ROBO2: variants seen among roughly 807,000 people sequenced by gnomAD.
ROBO2 encodes roundabout homolog 2.
Under a neutral mutation model 160.8 loss-of-function variants are expected in ROBO2, and 53 were observed. The ratio of observed to expected loss-of-function variants is 0.33; its 90% CI spans 0.26 to 0.41. ROBO2 has a LOEUF of 0.41. ROBO2 is among the 10% of genes least tolerant of loss of function. The pLI is 1.00. For missense variants in ROBO2, 1,577 were observed against 1,722.4 expected, an observed-to-expected ratio of 0.92 and a Z score of 1.49; for synonymous variants, 664 against 611.7, an observed-to-expected ratio of 1.09 and a Z score of -1.26.
At chr3:76,917,532 T>C (rs2076399541) in intron 2 of ROBO2, among the ~76,000 whole-genome samples, 1 of 152,214 alleles carries the variant, frequency 6.6e-6, no homozygotes, top group Admixed American at 6.5e-5. Context: ...TTCCTTTTCC[T>C]GCTTCATGCA....
intron 2 of ROBO2, among the ~76,000 whole-genome samples, chr3:77,336,040 G>C (rs557192304): frequency 3.0e-4 from 45 of 152,188 alleles, no homozygotes; most frequent in Non-Finnish European, 5.3e-4. Context: ...GGACTATAAA[G>C]TTCCAGTAAC....
chr3:77,219,489 G>GTATA (rs10654899), intron 2 of ROBO2, among the ~76,000 whole-genome samples: 21,619 of 111,000 alleles, frequency 0.19, 2,145 homozygotes, highest in Middle Eastern at 0.25. Context: ...TATATAATCT[G>GTATA]TATATATATA....
intron 2 of ROBO2, among the ~76,000 whole-genome samples, chr3:77,375,148 G>C (rs1235406186): frequency 1.3e-5 from 2 of 152,220 alleles, no homozygotes; most frequent in East Asian, 3.9e-4. Flanking sequence ...GGAGTTCAAG[G>C]TTCCAGTGAG....
At chr3:76,919,551 T>A (rs1046893394) in intron 2 of ROBO2, among the ~76,000 whole-genome samples, 1 of 152,122 alleles carries the variant, frequency 6.6e-6, no homozygotes, top group Non-Finnish European at 1.5e-5. Context: ...TGAGACATTA[T>A]ACAAGGAAAC....
intron 2 of ROBO2, among the ~76,000 whole-genome samples, chr3:76,101,074 A>G (rs977672139): frequency 1.3e-5 from 2 of 152,166 alleles, no homozygotes; most frequent in Non-Finnish European, 2.9e-5. Context: ...CTTTGTATAA[A>G]AGAACCAAGA....
At chr3:76,257,407 TG>T (rs1413422456) in intron 2 of ROBO2, among the ~76,000 whole-genome samples, 1 of 152,140 alleles carries the variant, frequency 6.6e-6, no homozygotes, top group Non-Finnish European at 1.5e-5. Context: ...CCCTAAACTT[TG>T]TGCCAAGGAG....
At chr3:76,908,707 G>A (rs538267497) in intron 2 of ROBO2, among the ~76,000 whole-genome samples, 3 of 152,310 alleles carry the variant, frequency 2.0e-5, no homozygotes, top group Admixed American at 6.5e-5. Context: ...ACAAGTACAA[G>A]TGAAACCTAC....
At chr3:76,215,911 A>C (rs912965742) in intron 2 of ROBO2, among the ~76,000 whole-genome samples, 4 of 152,208 alleles carry the variant, frequency 2.6e-5, no homozygotes, top group African/African-American at 9.6e-5. Flanking sequence ...AGCCAGAGAG[A>C]AAGGTCAGGT....
intron 2 of ROBO2, among the ~76,000 whole-genome samples, chr3:76,396,573 C>T (rs2077461950): frequency 6.6e-6 from 1 of 152,014 alleles, no homozygotes; most frequent in Admixed American, 6.6e-5. Flanking sequence ...TCTAGAAAAC[C>T]CCATTGTCTC....
intron 2 of ROBO2, among the ~76,000 whole-genome samples, chr3:76,349,817 A>C (rs1220067258): frequency 6.6e-6 from 1 of 152,044 alleles, no homozygotes; most frequent in African/African-American, 2.4e-5. Flanking sequence ...GCAGGAACAC[A>C]TGGAAAGATT....
At chr3:77,147,828 A>T (rs2077235781) in intron 2 of ROBO2, among the ~76,000 whole-genome samples, 1 of 152,194 alleles carries the variant, frequency 6.6e-6, no homozygotes, top group Admixed American at 6.5e-5. Flanking sequence ...GAAAGATGAA[A>T]GAAATCAGGG....
intron 2 of ROBO2, among the ~76,000 whole-genome samples, chr3:76,059,520 T>G (rs979560051): frequency 3.9e-5 from 6 of 152,050 alleles, no homozygotes; most frequent in African/African-American, 1.2e-4. Flanking sequence ...TTGTAAATTT[T>G]TTGGAGTTTA....
intron 6 of ROBO2, among the ~76,000 whole-genome samples, chr3:77,528,299 G>T (rs570969731): frequency 1.1e-4 from 16 of 151,634 alleles, no homozygotes; most frequent in Non-Finnish European, 1.6e-4. Flanking sequence ...TAACAAAAAG[G>T]TACTTTAATA....
chr3:77,572,966 A>C (rs2153669552), intron 13 of ROBO2, among the ~76,000 whole-genome samples: 1 of 152,172 alleles, frequency 6.6e-6, no homozygotes, highest in Non-Finnish European at 1.5e-5. Context: ...TGGATAAAGA[A>C]ATTTGTTTAA....
chr3:77,460,566 G>A (rs961414912), intron 2 of ROBO2, among the ~76,000 whole-genome samples: 2 of 152,088 alleles, frequency 1.3e-5, no homozygotes, highest in Non-Finnish European at 2.9e-5. Context: ...CAAAGTAGAT[G>A]GATGAGTAAT....
chr3:76,701,080 G>A (rs545127183), intron 2 of ROBO2, among the ~76,000 whole-genome samples: 21 of 151,998 alleles, frequency 1.4e-4, no homozygotes, highest in African/African-American at 5.1e-4. Flanking sequence ...TTCAATGAAT[G>A]GTATATTTAG....
intron 2 of ROBO2, among the ~76,000 whole-genome samples, chr3:76,151,644 A>G (rs951967987): frequency 4.6e-5 from 7 of 152,120 alleles, no homozygotes; most frequent in Middle Eastern, 3.2e-3. Context: ...AACCTCAACT[A>G]TGTACTTTGT....
intron 2 of ROBO2, among the ~76,000 whole-genome samples, chr3:76,053,493 GA>G (rs1454374864): frequency 3.3e-5 from 5 of 151,928 alleles, no homozygotes; most frequent in African/African-American, 1.2e-4. Flanking sequence ...ACTGTGGTGA[GA>G]ATAACATGTA....
intron 1 of ROBO2, among the ~76,000 whole-genome samples, chr3:77,067,237 A>AAT (rs755569003): frequency 6.6e-6 from 1 of 152,142 alleles, no homozygotes; most frequent in African/African-American, 2.4e-5. Flanking sequence ...CCAAACATGT[A>AAT]ATAATTTATA....
Sources: allele counts gnomAD v4.1 joint callset (sites outside exome capture counted in the v4.1 genomes callset), GRCh38; gene constraint gnomAD v4.1.1; transcripts MANE v1.5; gene names NCBI Gene and HGNC (gene_info 2026-07-23, HGNC 2026-07-21).